SCD5: variants seen among roughly 807,000 people sequenced by gnomAD.
The protein encoded by SCD5 is acyl-CoA-desaturase 4.
In SCD5, 20 loss-of-function variants were observed where a neutral mutation model predicts 30.4. The ratio of observed to expected loss-of-function variants is 0.66; its 90% CI spans 0.46 to 0.96. The LOEUF (loss-of-function observed/expected upper bound fraction) is 0.96, where lower values mean the gene tolerates loss of function less well. Among genes scored for constraint, SCD5 ranks in the 40% least tolerant of loss-of-function variants. SCD5 has a pLI of 0.00. For synonymous variants in SCD5, 173 were observed against 176.4 expected, an observed-to-expected ratio of 0.98 and a Z score of 0.16; for missense variants, 381 against 443.3, an observed-to-expected ratio of 0.86 and a Z score of 1.26.
At chr4:82,739,480 C>T (rs139047924) in intron 1 of SCD5, among the ~76,000 whole-genome samples, 1,972 of 152,360 alleles carry the variant, frequency 0.013, 48 homozygotes, top group African/African-American at 0.043. Flanking sequence ...CACCCCCTGC[C>T]GGTGGCCTCC....
chr4:82,736,823 C>T (rs1437466673), intron 1 of SCD5, among the ~76,000 whole-genome samples: 8 of 151,592 alleles, frequency 5.3e-5, no homozygotes, highest in African/African-American at 1.9e-4. Context: ...CCACCATGCC[C>T]AGCTAATTTT....
intron 1 of SCD5, among the ~76,000 whole-genome samples, chr4:82,737,987 T>C (rs1253418007): frequency 6.7e-6 from 1 of 148,620 alleles, no homozygotes; most frequent in Non-Finnish European, 1.5e-5. Flanking sequence ...TCTAGAACTA[T>C]ATCTACTTTT....
intron 1 of SCD5, among the ~76,000 whole-genome samples, chr4:82,741,070 T>C (rs1040976238): frequency 6.6e-5 from 10 of 150,902 alleles, no homozygotes; most frequent in Non-Finnish European, 1.0e-4. Context: ...GCCTCCCAAG[T>C]AGCTGGGACT....
At chr4:82,728,774 T>C (rs1305376695) in intron 1 of SCD5, among the ~76,000 whole-genome samples, 1 of 152,188 alleles carries the variant, frequency 6.6e-6, no homozygotes, top group Non-Finnish European at 1.5e-5. Context: ...CCAATGTGAA[T>C]GACAATTCTG....
rs569163447 is a variant in SCD5, at chr4:82,763,356, C to T, written c.232+34950G>A. 2.8e-3 allele frequency among the ~76,000 whole-genome samples: 430 copies of T among 152,174 alleles called. 1 individual carries two copies. Among genetic ancestry groups the T allele is most frequent in the African/African-American group, 9.8e-3 (406 of 41,514 alleles). On this transcript the variant is annotated intron_variant, in intron 1 of 4. Coordinates refer to ENST00000319540, the MANE Select transcript of SCD5 (RefSeq NM_001037582.3). ...GTGAAACCCATCTCTACTAAAAATA[C>T]AAAAATTAGCCAGGTGTGGTGGTGC...
chr4:82,742,694 T>A (rs971212798), intron 1 of SCD5, among the ~76,000 whole-genome samples: 5 of 152,030 alleles, frequency 3.3e-5, no homozygotes, highest in Admixed American at 6.6e-5. Context: ...GGCTGAGGCA[T>A]GAGAATCGCT....
chr4:82,759,191 G>A (rs752122386), intron 1 of SCD5, among the ~76,000 whole-genome samples: 3 of 152,234 alleles, frequency 2.0e-5, no homozygotes, highest in Non-Finnish European at 4.4e-5. Context: ...ATGACAGCAG[G>A]GAATTGAGTT....
intron 3 of SCD5, among the ~76,000 whole-genome samples, chr4:82,664,999 C>CTCTCTCTCTCTATATATATATA (rs1219554314): frequency 8.5e-5 from 6 of 70,478 alleles, no homozygotes; most frequent in South Asian, 7.2e-4. Context: ...CTCTCTCTCT[C>CTCTCTCTCTCTATATATATATA]TATATATATA....
chr4:82,645,922 C>T (rs561356673), intron 3 of SCD5, among the ~76,000 whole-genome samples: 186 of 152,244 alleles, frequency 1.2e-3, no homozygotes, highest in South Asian at 5.0e-3. Flanking sequence ...AAGAAATCAC[C>T]GTTCTCTGTC....
intron 3 of SCD5, among the ~76,000 whole-genome samples, chr4:82,641,115 C>T (rs926931067): frequency 6.6e-6 from 1 of 151,966 alleles, no homozygotes. Flanking sequence ...CAAGGCCGGG[C>T]GTGGTGGCTC....
chr4:82,668,306 G>A (rs1301651689), intron 3 of SCD5, among the ~76,000 whole-genome samples: 1 of 152,146 alleles, frequency 6.6e-6, no homozygotes, highest in Non-Finnish European at 1.5e-5. Context: ...CGGAGATTGA[G>A]TAATGGGAGA....
chr4:82,653,676 T>TGATAGATAGATAGATAGATAGATAGATA (rs1553914392), intron 3 of SCD5, among the ~76,000 whole-genome samples: 162 of 136,666 alleles, frequency 1.2e-3, no homozygotes, highest in Non-Finnish European at 1.4e-3. Flanking sequence ...TGAAAGTCAA[T>TGATAGATAGATAGATAGATAGATAGATA]GATAGATAGA....
At chr4:82,785,428 T>C (rs948054213) in intron 1 of SCD5, among the ~76,000 whole-genome samples, 2 of 152,174 alleles carry the variant, frequency 1.3e-5, no homozygotes, top group Non-Finnish European at 2.9e-5. Flanking sequence ...CTTTATCAAT[T>C]TGCCTTCCCT....
intron 1 of SCD5, among the ~76,000 whole-genome samples, chr4:82,773,029 C>A (rs971042357): frequency 2.0e-5 from 3 of 152,126 alleles, no homozygotes; most frequent in African/African-American, 7.2e-5. Flanking sequence ...CATAGAACTG[C>A]AATGCATGGT....
chr4:82,728,385 G>T (rs186705556), intron 1 of SCD5, among the ~76,000 whole-genome samples: 29 of 152,226 alleles, frequency 1.9e-4, no homozygotes, highest in Admixed American at 1.6e-3. Flanking sequence ...CTAGTGAAAG[G>T]TCACAAGGTT....
intron 1 of SCD5, among the ~76,000 whole-genome samples, chr4:82,782,124 C>G (rs1385410706): frequency 6.7e-6 from 1 of 150,216 alleles, no homozygotes; most frequent in Non-Finnish European, 1.5e-5. Flanking sequence ...CTAGGATGCC[C>G]CTAAAGACAA....
intron 1 of SCD5, among the ~76,000 whole-genome samples, chr4:82,764,943 T>C (rs1721456422): frequency 1.3e-5 from 2 of 152,188 alleles, no homozygotes; most frequent in Non-Finnish European, 2.9e-5. Flanking sequence ...GTCAGGCTAG[T>C]CTCAAACTCC....
intron 1 of SCD5, among the ~76,000 whole-genome samples, chr4:82,743,005 G>A (rs193097519): frequency 1.7e-4 from 26 of 152,290 alleles, no homozygotes; most frequent in East Asian, 7.7e-4. Flanking sequence ...AGAAAGACGC[G>A]TAGACAGAGA....
chr4:82,729,915 C>G (rs1332207942), intron 1 of SCD5, among the ~76,000 whole-genome samples: 4 of 152,168 alleles, frequency 2.6e-5, no homozygotes, highest in African/African-American at 7.2e-5. Flanking sequence ...TTAGCTCCCC[C>G]ACTATTTACC....
Sources: allele counts gnomAD v4.1 joint callset (sites outside exome capture counted in the v4.1 genomes callset), GRCh38; gene constraint gnomAD v4.1.1; transcripts MANE v1.5; gene names NCBI Gene and HGNC (gene_info 2026-07-23, HGNC 2026-07-21).